Variants in CADM2 observed in about 807,000 individuals in gnomAD.
CADM2 encodes cell adhesion molecule 2, also known as immunoglobulin superfamily member 4D.
In CADM2, 12 loss-of-function variants were observed where a neutral mutation model predicts 49.8. The observed-to-expected ratio is 0.24, with a 90% CI of 0.15 to 0.39. The LOEUF is 0.39. Among genes scored for constraint, CADM2 ranks in the 10% least tolerant of loss-of-function variants. The pLI is 1.00. For missense variants in CADM2, 378 were observed against 492.3 expected (o/e 0.77, Z 2.20); for synonymous variants, 214 against 175.4 (o/e 1.22, Z -1.74).
intron 1 of CADM2, among the ~76,000 whole-genome samples, chr3:85,708,995 T>C (rs1333675656): frequency 2.6e-5 from 4 of 152,090 alleles, no homozygotes; most frequent in Admixed American, 2.6e-4. Context: ...TTAATTTTCA[T>C]GTAAAATTAT....
At chr3:85,579,616 A>C (rs2062736368) in intron 1 of CADM2, among the ~76,000 whole-genome samples, 1 of 152,164 alleles carries the variant, frequency 6.6e-6, no homozygotes, top group African/African-American at 2.4e-5. Context: ...TTTTCAGAAT[A>C]TAATGGTAAA....
intron 1 of CADM2, among the ~76,000 whole-genome samples, chr3:85,142,594 C>T (rs2039610812): frequency 6.6e-6 from 1 of 152,138 alleles, no homozygotes; most frequent in Non-Finnish European, 1.5e-5. Context: ...TGGTTATAGA[C>T]TTACAGCATT....
intron 1 of CADM2, among the ~76,000 whole-genome samples, chr3:85,526,836 A>G (rs59225869): frequency 0.51 from 78,298 of 152,070 alleles, 23,136 homozygotes; most frequent in East Asian, 0.85. Context: ...TATTATCCCC[A>G]TTTTATAGCT....
intron 3 of CADM2, among the ~76,000 whole-genome samples, chr3:85,848,259 A>G (rs2074962304): frequency 6.6e-6 from 1 of 152,154 alleles, no homozygotes; most frequent in African/African-American, 2.4e-5. Context: ...CCAATTATCA[A>G]TAATTGCTAT....
At chr3:85,632,377 C>A (rs1043114668) in intron 1 of CADM2, among the ~76,000 whole-genome samples, 1 of 152,028 alleles carries the variant, frequency 6.6e-6, no homozygotes, top group Non-Finnish European at 1.5e-5. Flanking sequence ...ATGTCATTAT[C>A]AGCAGTGTGA....
At chr3:85,502,972 A>C (rs2040179732) in intron 1 of CADM2, among the ~76,000 whole-genome samples, 1 of 149,374 alleles carries the variant, frequency 6.7e-6, no homozygotes, top group African/African-American at 2.4e-5. Flanking sequence ...AAGATTGTAA[A>C]AGAAAAAAAG....
intron 2 of CADM2, among the ~76,000 whole-genome samples, chr3:85,730,962 T>C (rs999918257): frequency 3.9e-5 from 6 of 152,162 alleles, no homozygotes; most frequent in Non-Finnish European, 8.8e-5. Flanking sequence ...ATAATTATTC[T>C]GACTTTGCTT....
rs1379792141 is a variant in CADM2, at chr3:86,071,338, C to G, written c.*4555C>G. 6.6e-6 allele frequency: 1 copy of G among 151,568 alleles called. No homozygotes were observed. 9.4% of individuals were successfully genotyped at this position (151,568 alleles called of 1,614,324 possible). On this transcript the variant is annotated 3_prime_UTR_variant, in exon 10 of 10. Transcript: ENST00000383699. ...TTTTCTATTCATTTTTTCCCTTTCT[C>G]TCTCTATTCTACCCCCAAACAAGCC...
At chr3:85,276,694 A>G (rs915942788) in intron 1 of CADM2, among the ~76,000 whole-genome samples, 3 of 151,224 alleles carry the variant, frequency 2.0e-5, no homozygotes, top group African/African-American at 7.3e-5. Flanking sequence ...AAGGTGGTTT[A>G]TGAAAAAAAA....
chr3:85,108,761 T>G (rs190234637), intron 1 of CADM2, among the ~76,000 whole-genome samples: 1 of 152,114 alleles, frequency 6.6e-6, no homozygotes, highest in Non-Finnish European at 1.5e-5. Context: ...TACAATAAAT[T>G]GTTACAGGAA....
At chr3:85,557,302 T>C (rs951672266) in intron 1 of CADM2, among the ~76,000 whole-genome samples, 1 of 151,964 alleles carries the variant, frequency 6.6e-6, no homozygotes, top group African/African-American at 2.4e-5. Flanking sequence ...ATATTACATC[T>C]GCTACTTGTC....
At chr3:85,079,773 A>G (rs2037092363) in intron 1 of CADM2, among the ~76,000 whole-genome samples, 1 of 151,916 alleles carries the variant, frequency 6.6e-6, no homozygotes, top group Non-Finnish European at 1.5e-5. Context: ...TGTAATTAAA[A>G]TACCTTTAAA....
intron 1 of CADM2, among the ~76,000 whole-genome samples, chr3:85,363,048 T>C (rs2032470970): frequency 6.6e-6 from 1 of 152,198 alleles, no homozygotes; most frequent in African/African-American, 2.4e-5. Flanking sequence ...AGCTGCTTTC[T>C]GAGTACTCAA....
chr3:85,600,575 A>G (rs1385386472), intron 1 of CADM2, among the ~76,000 whole-genome samples: 9 of 152,068 alleles, frequency 5.9e-5, no homozygotes, highest in African/African-American at 2.2e-4. Flanking sequence ...TATGCATTCA[A>G]AAGTTGATCA....
At chr3:86,008,318 A>T (rs1244401806) in intron 8 of CADM2, among the ~76,000 whole-genome samples, 1 of 152,150 alleles carries the variant, frequency 6.6e-6, no homozygotes, top group African/African-American at 2.4e-5. Flanking sequence ...ACCAAACAAA[A>T]GAAAAATAGG....
chr3:85,613,897 CTA>C (rs1311095208), intron 1 of CADM2, among the ~76,000 whole-genome samples: 2 of 151,564 alleles, frequency 1.3e-5, no homozygotes, highest in Non-Finnish European at 3.0e-5. Flanking sequence ...TATAAATTCA[CTA>C]AGAATCAGTT....
chr3:85,369,980 C>A (rs1476686143), intron 1 of CADM2, among the ~76,000 whole-genome samples: 1 of 151,276 alleles, frequency 6.6e-6, no homozygotes, highest in African/African-American at 2.4e-5. Flanking sequence ...TTAAAAAAAA[C>A]AGCAAAATCA....
At position 85,438,632 on chromosome 3, in the gene CADM2, T is replaced by G. The variant is rs2037043258; in HGVS notation, c.62-287890T>G. 4.6e-5 allele frequency among the ~76,000 whole-genome samples: 7 copies of G among 152,226 alleles called. No homozygotes were observed. The South Asian group carries it at 1.4e-3, about 32-fold the overall frequency. ...TGGGCAGTATCTGCAAAAATAGACATAAAGGACACATTGATAGATCTTTCC... is the reference window on the plus strand; with the variant it reads ...TGGGCAGTATCTGCAAAAATAGACAGAAAGGACACATTGATAGATCTTTCC... On this transcript the variant is annotated intron_variant, in intron 1 of 9. Coordinates refer to ENST00000383699, the MANE Select transcript of CADM2 (RefSeq NM_001167675.2).
intron 8 of CADM2, chr3:86,013,967 A>G: frequency 2.0e-6 from 3 of 1,530,346 alleles, no homozygotes; most frequent in Non-Finnish European, 2.7e-6. Context: ...CTGTTATGGG[A>G]GTATCTGTTG....
Sources: gnomAD v4.1 joint callset for allele counts (sites outside exome capture counted in the v4.1 genomes callset) on GRCh38, gnomAD v4.1.1 for gene constraint, MANE v1.5 for transcripts, NCBI Gene and HGNC (gene_info 2026-07-23, HGNC 2026-07-21) for gene names.